VIRMA: variants seen among roughly 807,000 people sequenced by gnomAD.
VIRMA encodes protein virilizer homolog.
Under a neutral mutation model 182.4 loss-of-function variants are expected in VIRMA, and 65 were observed. The ratio of observed to expected loss-of-function variants is 0.36; its 90% CI spans 0.29 to 0.44. VIRMA has a LOEUF of 0.44. Ranked by LOEUF, VIRMA falls within the 20% of genes least tolerant of loss-of-function variation. The pLI is 1.00. For synonymous variants in VIRMA, 709 were observed against 743.1 expected (o/e 0.95, Z 0.75); for missense variants, 1,752 against 2,158.1 (o/e 0.81, Z 3.73).
intron 15 of VIRMA, among the ~76,000 whole-genome samples, chr8:94,507,195 G>A (rs1283750285): frequency 1.3e-5 from 2 of 150,552 alleles, no homozygotes; most frequent in Non-Finnish European, 3.0e-5. Context: ...GAGTACAATG[G>A]CATGATCTCG....
rs369048370 is a variant in VIRMA at position 94,496,306 on chromosome 8, G to T, written c.4383+22C>A. On this transcript the variant is annotated intron_variant, in intron 18 of 23. Transcript: ENST00000297591. ...TGAGAGGAAAATAGGCCTTAAGAACGCTCTGTTTTTTTCTTTTTTACCAAA... is the reference window on the plus strand; with the variant it reads ...TGAGAGGAAAATAGGCCTTAAGAACTCTCTGTTTTTTTCTTTTTTACCAAA... 1.9e-6 allele frequency: 3 copies of T among 1,599,218 alleles called. No homozygotes were observed. In the South Asian group the frequency reaches 3.4e-5, roughly 18 times the overall value.
rs958131746 is a variant in VIRMA, at chr8:94,510,699, A to G, written c.3391-47T>C. ...TGTGTACGTAGATTTTTTAATATTT[A>G]TTTATAGTCACAAAAACTGTTCAGG... On this transcript the variant is annotated intron_variant, in intron 13 of 23. Transcript: ENST00000297591. 5 of 1,355,872 alleles carry G rather than the reference A, an allele frequency of 3.7e-6. No homozygotes were observed. In the African/African-American group the frequency reaches 5.8e-5, roughly 16 times the overall value. The allele number at this position is 1,355,872 out of a possible 1,614,324, so 84.0% of individuals were successfully genotyped here. A position where few individuals can be genotyped will look rare whatever the true frequency, so the allele number is the denominator to read the frequency against.
At chr8:94,528,273 T>C (rs915936007) in intron 7 of VIRMA, among the ~76,000 whole-genome samples, 5 of 151,018 alleles carry the variant, frequency 3.3e-5, no homozygotes, top group Admixed American at 1.3e-4. Flanking sequence ...GAAAACTGCC[T>C]GCCTAACATT....
chr8:94,535,753 G>A (rs1289087420), intron 4 of VIRMA, among the ~76,000 whole-genome samples: 1 of 151,032 alleles, frequency 6.6e-6, no homozygotes, highest in African/African-American at 2.4e-5. Context: ...GCACACTCTA[G>A]CCTGGGCGAC....
Position 94,553,261 on chromosome 8 carries a change from G to A in VIRMA, c.63+124C>T, listed in dbSNP as rs561401868. The A allele has an allele frequency of 3.5e-4, 326 of 934,540 alleles. No individual in the cohort carries two copies. In the African/African-American group the frequency reaches 4.4e-3, roughly 13 times the overall value. The allele number at this position is 934,540 out of a possible 1,614,324, so 57.9% of individuals were successfully genotyped here. On this transcript the variant is annotated intron_variant, in intron 1 of 23. Coordinates refer to ENST00000297591, the MANE Select transcript of VIRMA (RefSeq NM_015496.5). The stretch of plus-strand genomic sequence containing the variant: ...ATGCTCACACAGCTCGGGGGAGGGT[G>A]TCTGTGTGTAAGCGAGAAATTAAAG...
At chr8:94,531,253 A>C (rs1020651834) in intron 5 of VIRMA, among the ~76,000 whole-genome samples, 168 bp from the exon 6 acceptor site, 3 of 152,188 alleles carry the variant, frequency 2.0e-5, no homozygotes, top group African/African-American at 7.2e-5. Flanking sequence ...TAATGGGCTG[A>C]CTGTCTGTAT....
At chr8:94,530,499 A>C (rs935567523) in intron 6 of VIRMA, among the ~76,000 whole-genome samples, 2 of 150,804 alleles carry the variant, frequency 1.3e-5, no homozygotes, top group Non-Finnish European at 3.0e-5. Flanking sequence ...CCTGTCTCAA[A>C]AAAAAAAAAA....
At chr8:94,543,750 T>TA in intron 2 of VIRMA, 77 bp downstream of exon 2, 1 of 800,750 alleles carries the variant, frequency 1.2e-6, no homozygotes, top group Non-Finnish European at 2.1e-6. Flanking sequence ...AATATTCCCT[T>TA]ACATTTTTGC....
chr8:94,511,895 T>C, intron 12 of VIRMA, 101 bp downstream of exon 12: 2 of 689,446 alleles, frequency 2.9e-6, no homozygotes, highest in Non-Finnish European at 4.2e-6. Context: ...ATATTTTTCA[T>C]TATTAAATAA....
chr8:94,490,231 G>T, intron 22 of VIRMA, 149 bp from the exon 23 acceptor site: 2 of 815,514 alleles, frequency 2.5e-6, no homozygotes, highest in African/African-American at 1.7e-5. Context: ...ACATCACAGT[G>T]GTTAAGAGCA....
intron 1 of VIRMA, among the ~76,000 whole-genome samples, chr8:94,552,741 A>C (rs977877949): frequency 2.0e-5 from 3 of 152,178 alleles, no homozygotes; most frequent in Non-Finnish European, 2.9e-5. Context: ...TTCCACCTCC[A>C]ACCTCAAAGG....
At chr8:94,546,816 A>AGTAT (rs1439049376) in intron 1 of VIRMA, 2 of 414,560 alleles carry the variant, frequency 4.8e-6, no homozygotes, top group African/African-American at 2.1e-5. Context: ...CTCCTACTGA[A>AGTAT]GTATGGTCTT....
rs1813644031 is a variant in VIRMA at position 94,492,686 on chromosome 8, C to G, written c.4774G>C (p.Gly1592Arg). 6.2e-7 allele frequency: 1 copy of G among 1,613,806 alleles called. No individual in the cohort carries two copies. Residue 1592 changes from glycine to arginine, a missense_variant, in exon 21 of 24, where the codon GGG becomes CGG. By Grantham distance (125) the Gly-to-Arg change is moderately radical. Coordinates refer to ENST00000297591, the MANE Select transcript of VIRMA (RefSeq NM_015496.5). ...RTKTTKGFKL[G>R]KHKHETFITS... ...ATAAAGGTCTCATGCTTGTGCTTCC[C>G]AAGTTTGAATCCTTTAGTAGTCTTG... is the stretch of plus-strand genomic sequence containing the variant.
chr8:94,489,487 C>T (rs375271714), intron 23 of VIRMA, among the ~76,000 whole-genome samples: 3 of 152,116 alleles, frequency 2.0e-5, no homozygotes, highest in East Asian at 1.9e-4. Context: ...GTTTCAACTG[C>T]CTAGGTCCAC....
At chr8:94,518,964 A>C in intron 9 of VIRMA, 21 bp downstream of exon 9, 1 of 1,555,072 alleles carries the variant, frequency 6.4e-7, no homozygotes, top group Non-Finnish European at 8.7e-7. Context: ...TAGAAAATTT[A>C]AGGAGTAAGT....
chr8:94,510,472 T>A lies in VIRMA; in HGVS notation c.3571A>T (p.Thr1191Ser), dbSNP rs199503113. The change falls in exon 14 of 24, where the codon ACT (threonine) becomes TCT (serine). Residue 1191 changes from threonine (T) to serine (S), a missense_variant. Thr to Ser is a moderately conservative substitution (Grantham distance 58). Transcript: ENST00000297591. ...ACAGTTCTCATAATCAGAAGTGCAG[T>A]TGGTGAGGCAAGGTCACACAATTGA... ...CVQLCDLASP[T>S]ALLIMRTVLD... is the part of the protein sequence containing the mutation. 2.3e-4 allele frequency: 367 copies of A among 1,613,988 alleles called. No homozygotes were observed. The highest frequency in any genetic ancestry group is 3.0e-4 in the Non-Finnish European group (356 of 1,180,008).
chr8:94,503,356 C>T (rs1814056352), intron 16 of VIRMA, among the ~76,000 whole-genome samples: 3 of 152,282 alleles, frequency 2.0e-5, no homozygotes, highest in South Asian at 2.1e-4. Context: ...TATATAGAAA[C>T]ATCATGTATT....
intron 1 of VIRMA, among the ~76,000 whole-genome samples, chr8:94,547,755 A>G (rs1446002992): frequency 1.3e-5 from 2 of 150,984 alleles, no homozygotes; most frequent in Non-Finnish European, 1.5e-5. Flanking sequence ...ATGAGAATTT[A>G]GTATATAAAT....
intron 15 of VIRMA, among the ~76,000 whole-genome samples, chr8:94,508,806 T>C (rs1337551410): frequency 6.6e-6 from 1 of 151,658 alleles, no homozygotes; most frequent in Non-Finnish European, 1.5e-5. Context: ...CTATTCTGCC[T>C]GAAAAAAAAA....
Sources: gnomAD v4.1 joint callset for allele counts (sites outside exome capture counted in the v4.1 genomes callset) on GRCh38, gnomAD v4.1.1 for gene constraint, MANE v1.5 for transcripts, NCBI Gene and HGNC (gene_info 2026-07-23, HGNC 2026-07-21) for gene names.